ABI3BP: variants seen among roughly 807,000 people sequenced by gnomAD.
ABI3BP encodes ABI family member 3 binding protein.
In ABI3BP, 216 loss-of-function variants were observed where a neutral mutation model predicts 268.6. The observed-to-expected ratio is 0.80, with a 90% CI of 0.72 to 0.90. The LOEUF (loss-of-function observed/expected upper bound fraction) is 0.90. ABI3BP is among the 40% of genes least tolerant of loss of function. The pLI is 0.00. For synonymous variants in ABI3BP, 730 were observed against 730.0 expected (o/e 1.00, Z 0.00); for missense variants, 2,090 against 2,182.4 (o/e 0.96, Z 0.84).
At chr3:100,919,602 A>G (rs1213785565) in intron 2 of ABI3BP, among the ~76,000 whole-genome samples, 1 of 152,224 alleles carries the variant, frequency 6.6e-6, no homozygotes, top group East Asian at 1.9e-4. Flanking sequence ...AAAATGTTTC[A>G]CTGTGAAATA....
rs1433217958 is a variant in ABI3BP, at chr3:100,811,819, G to A, written c.3422-20C>T. 6.5e-7 allele frequency: 1 copy of A among 1,533,358 alleles called. No homozygotes were observed. The highest frequency in any genetic ancestry group is 8.7e-7 in the Non-Finnish European group (1 of 1,144,616). The allele number at this position is 1,533,358 out of a possible 1,614,324, so 95.0% of individuals were successfully genotyped here. ...CTGGTGCTAGGGAAGAAACGGGAAT[G>A]GCTGGTTAGTGGTGGCCAACCCAAA... On this transcript the variant is annotated intron_variant, in intron 46 of 67. Transcript: ENST00000471714.
chr3:100,910,411 A>G (rs976851371), intron 2 of ABI3BP, among the ~76,000 whole-genome samples: 6 of 39,008 alleles, frequency 1.5e-4, no homozygotes, highest in African/African-American at 5.2e-4. Context: ...AGTATAATTT[A>G]AAAAAGGTAA....
At chr3:100,804,938 T>C (rs1041624905) in intron 50 of ABI3BP, 72 bp from the exon 51 acceptor site, 5 of 1,249,746 alleles carry the variant, frequency 4.0e-6, no homozygotes, top group African/African-American at 2.9e-5. Flanking sequence ...ACATAAGACA[T>C]GTCAAGGTGT....
rs568145543 is a variant in ABI3BP, at chr3:100,772,991, T to A, written c.4531+1614A>T. On this transcript the variant is annotated intron_variant, in intron 61 of 67. Coordinates refer to ENST00000471714, the MANE Select transcript of ABI3BP (RefSeq NM_001375547.2). ...GCTTGGGGAGGCTGAGGCAGGAAAATCACTTGAACCCAGGAAGCGGAGGTT... is the reference window on the plus strand; with the variant it reads ...GCTTGGGGAGGCTGAGGCAGGAAAAACACTTGAACCCAGGAAGCGGAGGTT... Among the ~76,000 whole-genome samples the A allele has an allele frequency of 4.8e-5, 7 of 145,374 alleles. No individual in the cohort carries two copies. The Admixed American group carries it at 5.0e-4, about 10-fold the overall frequency.
At chr3:100,810,959 G>T (rs928839356) in intron 48 of ABI3BP, among the ~76,000 whole-genome samples, 7 of 152,120 alleles carry the variant, frequency 4.6e-5, no homozygotes, top group African/African-American at 1.7e-4. Flanking sequence ...AAGCTGGCAG[G>T]ATGTACAGTG....
intron 54 of ABI3BP, among the ~76,000 whole-genome samples, chr3:100,793,426 T>C (rs1560149702): frequency 2.0e-5 from 3 of 152,036 alleles, no homozygotes; most frequent in Admixed American, 6.6e-5. Context: ...TTTTCTGTCC[T>C]GCTTTTGTAT....
chr3:100,808,119 A>C (rs761695273), intron 50 of ABI3BP, 42 bp downstream of exon 50: 7 of 1,560,902 alleles, frequency 4.5e-6, no homozygotes, highest in African/African-American at 2.7e-5. Flanking sequence ...TAACCCCACT[A>C]ACCTCAAACT....
chr3:100,874,880 G>T lies in ABI3BP; in HGVS notation c.871C>A (p.Leu291Ile). The T allele has an allele frequency of 6.2e-7, 1 of 1,601,072 alleles. No individual in the cohort carries two copies. The highest frequency in any genetic ancestry group is 8.5e-7 in the Non-Finnish European group (1 of 1,172,884). The change falls in exon 9 of 68, where the codon CTA becomes ATA. Residue 291 changes from leucine to isoleucine, a missense_variant. Coordinates refer to ENST00000471714, the MANE Select transcript of ABI3BP (RefSeq NM_001375547.2). Reference protein sequence around the residue: ...NETTVKLPASLMFEISDALKT... With the variant: ...NETTVKLPASIMFEISDALKT... Reference sequence around the variant, plus strand: ...AGTGCATCTGAAATCTCAAACATTAGGGATGCAGGAAGTTTTACAGTAGTT... The same window carrying T: ...AGTGCATCTGAAATCTCAAACATTATGGATGCAGGAAGTTTTACAGTAGTT...
chr3:100,951,641 G>A lies in ABI3BP; in HGVS notation c.80-25160C>T, dbSNP rs889532221. ...CCATCTATGATGTGTCACAGTCCTA[G>A]GCACCCAAGTCACACTTGAGGAGTC... On this transcript the variant is annotated intron_variant, in intron 1 of 67. Coordinates refer to ENST00000471714, the MANE Select transcript of ABI3BP (RefSeq NM_001375547.2). Among the ~76,000 whole-genome samples the A allele has an allele frequency of 5.3e-5, 8 of 151,814 alleles. 1 individual carries two copies. The highest frequency in any genetic ancestry group is 1.7e-4 in the African/African-American group (7 of 41,156).
chr3:100,880,134 C>T (rs368235212), intron 6 of ABI3BP, among the ~76,000 whole-genome samples: 14 of 152,256 alleles, frequency 9.2e-5, no homozygotes, highest in Admixed American at 3.3e-4. Context: ...CTTGTTATTA[C>T]GAACAGCTAT....
Position 100,810,442 on chromosome 3 carries a change from G to C in ABI3BP, c.3577C>G (p.Pro1193Ala). Reference sequence around the variant, plus strand: ...TCAGTCTGAGGCTCATCTGGGCTGGGTAGGGTTATAGATTGAGAAGGCAGA... The same window carrying C: ...TCAGTCTGAGGCTCATCTGGGCTGGCTAGGGTTATAGATTGAGAAGGCAGA... Reference protein sequence around the residue: ...SPLPSQSITLPSPDEPQTEPA... With the variant: ...SPLPSQSITLASPDEPQTEPA... Residue 1193 changes from proline (P) to alanine (A), a missense_variant, in exon 49 of 68, where the codon CCC becomes GCC. By Grantham distance (27) the Pro-to-Ala change is conservative (BLOSUM62 -1). Transcript: ENST00000471714. 2 of 1,535,034 alleles carry C rather than the reference G, an allele frequency of 1.3e-6. No individual in the cohort carries two copies. Among genetic ancestry groups the C allele is most frequent in the Non-Finnish European group, 1.7e-6 (2 of 1,146,122 alleles).
intron 1 of ABI3BP, among the ~76,000 whole-genome samples, chr3:100,987,635 T>A (rs181762887): frequency 2.0e-5 from 3 of 152,232 alleles, no homozygotes; most frequent in African/African-American, 7.2e-5. Context: ...CTGGGCTTGA[T>A]GTGTTGACTA....
At chr3:100,752,117 A>T (rs1451667404) in intron 66 of ABI3BP, among the ~76,000 whole-genome samples, 1 of 152,200 alleles carries the variant, frequency 6.6e-6, no homozygotes, top group South Asian at 2.1e-4. Flanking sequence ...GCTAGTGCTA[A>T]CTAACTTTTT....
chr3:100,875,110 T>C (rs1034559427), intron 8 of ABI3BP, among the ~76,000 whole-genome samples, 177 bp from the exon 9 acceptor site: 1 of 152,210 alleles, frequency 6.6e-6, no homozygotes, highest in African/African-American at 2.4e-5. Flanking sequence ...AAATAGAATA[T>C]TTTTCATATT....
intron 4 of ABI3BP, among the ~76,000 whole-genome samples, chr3:100,896,301 C>T (rs1258673372): frequency 2.0e-5 from 3 of 152,072 alleles, no homozygotes; most frequent in African/African-American, 7.2e-5. Flanking sequence ...GGTTAGAATC[C>T]TAGCTCCATT....
At chr3:100,937,630 C>T (rs973419621) in intron 1 of ABI3BP, among the ~76,000 whole-genome samples, 2 of 152,154 alleles carry the variant, frequency 1.3e-5, no homozygotes, top group Non-Finnish European at 2.9e-5. Context: ...CATCTTACAG[C>T]ACCTGCAGAA....
At chr3:100,815,530 A>T (rs1181223241) in intron 44 of ABI3BP, among the ~76,000 whole-genome samples, 1 of 152,130 alleles carries the variant, frequency 6.6e-6, no homozygotes, top group Admixed American at 6.6e-5. Context: ...AATGAGACTA[A>T]GACACAGGTT....
At chr3:100,798,396 T>G (rs1290787688) in intron 51 of ABI3BP, among the ~76,000 whole-genome samples, 2 of 152,080 alleles carry the variant, frequency 1.3e-5, no homozygotes, top group Non-Finnish European at 2.9e-5. Context: ...GAAATTCAAG[T>G]TGTTTTTTCT....
intron 1 of ABI3BP, chr3:100,930,944 C>A (rs1331337460): frequency 6.6e-6 from 1 of 151,932 alleles, no homozygotes; most frequent in Non-Finnish European, 1.5e-5. Flanking sequence ...AAATCCTCAA[C>A]AAAATACTAG....
Sources: allele counts gnomAD v4.1 joint callset (sites outside exome capture counted in the v4.1 genomes callset), GRCh38; gene constraint gnomAD v4.1.1; transcripts MANE v1.5; gene names NCBI Gene and HGNC (gene_info 2026-07-23, HGNC 2026-07-21).